Variants in CHIA observed in about 807,000 individuals in gnomAD.
The protein encoded by CHIA is chitinase acidic, also known as acidic mammalian chitinase.
In CHIA, 47 loss-of-function variants were observed where a neutral mutation model predicts 53.5. The ratio of observed to expected loss-of-function variants is 0.88; its 90% confidence interval spans 0.70 to 1.12. The LOEUF is 1.12. CHIA is among the 50% of genes most tolerant of loss of function. The pLI, the probability that CHIA is intolerant of heterozygous loss-of-function variation, is 0.00. For synonymous variants in CHIA, 268 were observed against 222.2 expected (o/e 1.21, Z -1.83); for missense variants, 652 against 592.2 (o/e 1.10, Z -1.05).
At chr1:111,318,738 A>G (rs1470057188) in intron 9 of CHIA, 60 bp downstream of exon 9, 4 of 1,510,014 alleles carry the variant, frequency 2.6e-6, no homozygotes, top group Non-Finnish European at 3.6e-6. Context: ...TTAGGGCTAG[A>G]ATCTGCTGAA....
chr1:111,292,901 T>A (rs1268526466), intron 1 of CHIA, among the ~76,000 whole-genome samples: 1 of 152,214 alleles, frequency 6.6e-6, no homozygotes, highest in Non-Finnish European at 1.5e-5. Flanking sequence ...TTCATCCATG[T>A]TGTAGCAAGT....
At chr1:111,318,740 T>G (rs949493389) in intron 9 of CHIA, 62 bp downstream of exon 9, 2 of 1,511,340 alleles carry the variant, frequency 1.3e-6, no homozygotes, top group Non-Finnish European at 1.8e-6. Flanking sequence ...AGGGCTAGAA[T>G]CTGCTGAAAT....
chr1:111,310,490 C>T lies in CHIA; in HGVS notation c.23C>T (p.Thr8Ile). The stretch of plus-strand genomic sequence containing the variant: ...ACCATGACAAAGCTTATTCTCCTCA[C>T]AGGTGGGTTTGTAATCAGAGATTGA... Reference protein sequence around the residue: MTKLILLTGLVLILNLQL... With the variant: MTKLILLIGLVLILNLQL... Residue 8 changes from threonine (T) to isoleucine (I), a missense_variant and splice_region_variant, in exon 2 of 12, where the codon ACA becomes ATA. Transcript: ENST00000369740. 1.9e-6 allele frequency: 3 copies of T among 1,614,174 alleles called. No homozygotes were observed. The highest frequency in any genetic ancestry group is 1.1e-5 in the South Asian group (1 of 91,072).
intron 1 of CHIA, among the ~76,000 whole-genome samples, chr1:111,296,909 C>A (rs182216112): frequency 1.2e-3 from 184 of 152,226 alleles, no homozygotes; most frequent in African/African-American, 4.4e-3. Context: ...AACCATGGCA[C>A]GAGAACTTCG....
chr1:111,312,638 TG>T (rs1648782220), intron 4 of CHIA, among the ~76,000 whole-genome samples: 1 of 152,230 alleles, frequency 6.6e-6, no homozygotes, highest in African/African-American at 2.4e-5. Flanking sequence ...AAATACTTAA[TG>T]TTTTTTGTGG....
At position 111,293,350 on chromosome 1, in the gene CHIA, T is replaced by C. The variant is rs148197659; in HGVS notation, c.-69+2400T>C. On this transcript the variant is annotated intron_variant, in intron 1 of 11. Coordinates refer to ENST00000369740, the MANE Select transcript of CHIA (RefSeq NM_201653.4). ...AATGATTAATGGCATTAAGCATCTTTTTATGTGTTTATTGGCCATTTCAAT... is the reference window on the plus strand; with the variant it reads ...AATGATTAATGGCATTAAGCATCTTCTTATGTGTTTATTGGCCATTTCAAT... Among the ~76,000 whole-genome samples, 365 of 152,302 alleles carry C rather than the reference T, an allele frequency of 2.4e-3. 2 individuals carry two copies. Among genetic ancestry groups the C allele is most frequent in the African/African-American group, 8.2e-3 (342 of 41,584 alleles).
chr1:111,300,317 C>T (rs903861673), intron 1 of CHIA, among the ~76,000 whole-genome samples: 2 of 152,208 alleles, frequency 1.3e-5, no homozygotes, highest in African/African-American at 4.8e-5. Context: ...CATCATGCTA[C>T]TTGACTTCAA....
At chr1:111,310,831 G>T (rs56026898) in intron 2 of CHIA, among the ~76,000 whole-genome samples, 3,147 of 152,130 alleles carry the variant, frequency 0.021, 135 homozygotes, top group African/African-American at 0.072. Context: ...CATTTTAATT[G>T]GAATAATGTT....
At chr1:111,311,454 G>T (rs11102244) in intron 2 of CHIA, among the ~76,000 whole-genome samples, 20,043 of 152,186 alleles carry the variant, frequency 0.13, 1,535 homozygotes, top group African/African-American at 0.19. Context: ...CAGCATTCAG[G>T]AACATTTATT....
In CHIA at chr1:111,311,734, C is replaced by T. The variant is rs772921335; in HGVS notation, c.55+16C>T. On this transcript the variant is annotated intron_variant, in intron 3 of 11. Transcript: ENST00000369740. ...TTGCAGCTCGGTAAGTCATGGACTCCATGTTTTATCATTGAATGTATATAT... is the reference window on the plus strand; with the variant it reads ...TTGCAGCTCGGTAAGTCATGGACTCTATGTTTTATCATTGAATGTATATAT... 5 of 1,610,816 alleles carry T rather than the reference C, an allele frequency of 3.1e-6. No individual in the cohort carries two copies. Among genetic ancestry groups the T allele is most frequent in the Non-Finnish European group, 4.2e-6 (5 of 1,177,360 alleles).
intron 1 of CHIA, among the ~76,000 whole-genome samples, chr1:111,295,187 T>C (rs530301408): frequency 5.4e-4 from 83 of 152,332 alleles, no homozygotes; most frequent in Admixed American, 1.6e-3. Flanking sequence ...TATTGCATTT[T>C]ATGATTTTTC....
At chr1:111,316,007 T>C in intron 6 of CHIA, 1 of 359,364 alleles carries the variant, frequency 2.8e-6, no homozygotes, top group Non-Finnish European at 5.5e-6. Flanking sequence ...AATGCCATGT[T>C]AGAGGTCTGC....
intron 9 of CHIA, 38 bp downstream of exon 9, chr1:111,318,716 G>A (rs755370520): frequency 9.5e-6 from 15 of 1,581,746 alleles, no homozygotes; most frequent in South Asian, 2.3e-5. Context: ...TGTGAATTCC[G>A]TGCACTGTGC....
chr1:111,315,046 G>A, intron 5 of CHIA: 1 of 470,472 alleles, frequency 2.1e-6, no homozygotes, highest in Non-Finnish European at 3.8e-6. Context: ...CAACTTGGGA[G>A]AAAGAGCAGA....
At chr1:111,314,198 T>C (rs1306474982) in intron 4 of CHIA, among the ~76,000 whole-genome samples, 1 of 151,944 alleles carries the variant, frequency 6.6e-6, no homozygotes, top group African/African-American at 2.4e-5. Flanking sequence ...AGGCTAAAAA[T>C]GTAATTAAGC....
rs376159900 is a variant in CHIA at position 111,310,463 on chromosome 1, C to T, written c.-5C>T. 8.7e-6 allele frequency: 14 copies of T among 1,614,050 alleles called. No individual in the cohort carries two copies. In the African/African-American group the frequency reaches 1.3e-4, roughly 15 times the overall value. On this transcript the variant is annotated 5_prime_UTR_variant, in exon 2 of 12. Transcript: ENST00000369740. ...AGCTCTGCGGGACTGGTGCTGACTG[C>T]AACCATGACAAAGCTTATTCTCCTC...
chr1:111,315,137 AAACCAAG>A, intron 5 of CHIA, 126 bp from the exon 6 acceptor site: 1 of 677,886 alleles, frequency 1.5e-6, no homozygotes, highest in Non-Finnish European at 2.6e-6. Context: ...GGAGAGGAGA[AAACCAAG>A]AACATGCTTT....
In CHIA at chr1:111,312,401, G is replaced by A. The variant is rs780786351; in HGVS notation, c.257+10G>A. On this transcript the variant is annotated intron_variant, in intron 4 of 11. Transcript: ENST00000369740. ...ATGGCCTGAAAAATAAGTAGGATGA[G>A]GGAGATATTTAATTTGGCATCCCCT... is the stretch of plus-strand genomic sequence containing the variant. 6.4e-5 allele frequency: 103 copies of A among 1,605,488 alleles called. No homozygotes were observed. The highest frequency in any genetic ancestry group is 8.3e-5 in the Non-Finnish European group (97 of 1,172,272).
intron 1 of CHIA, among the ~76,000 whole-genome samples, chr1:111,300,993 C>T (rs1001912518): frequency 2.0e-5 from 3 of 152,214 alleles, no homozygotes; most frequent in African/African-American, 7.2e-5. Context: ...CTCATCATCA[C>T]TAGTCATCAG....
Sources: gnomAD v4.1 joint callset for allele counts (sites outside exome capture counted in the v4.1 genomes callset) on GRCh38, gnomAD v4.1.1 for gene constraint, MANE v1.5 for transcripts, NCBI Gene and HGNC (gene_info 2026-07-23, HGNC 2026-07-21) for gene names.